The following ITGA8 variants were observed in gnomAD, a reference collection of about 807,000 sequenced individuals.
ITGA8 encodes the protein integrin alpha-8.
Under a neutral mutation model 142.3 loss-of-function variants are expected in ITGA8, and 91 were observed. That is an observed-to-expected ratio of 0.64 (90% CI 0.54 to 0.76). The LOEUF (loss-of-function observed/expected upper bound fraction) is 0.76, where lower values mean the gene tolerates loss of function less well. ITGA8 is among the 30% of genes least tolerant of loss of function. The probability of loss-of-function intolerance (pLI) is 0.00; values close to 1 mark genes in which losing one functional copy is unlikely to be tolerated. For synonymous variants in ITGA8, 505 were observed against 485.2 expected, an observed-to-expected ratio of 1.04 and a Z score of -0.54; for missense variants, 1,406 against 1,327.7, an observed-to-expected ratio of 1.06 and a Z score of -0.92.
chr10:15,558,704 A>G (rs9333212), intron 25 of ITGA8, among the ~76,000 whole-genome samples: 54,097 of 151,922 alleles, frequency 0.36, 9,904 homozygotes, highest in African/African-American at 0.42. Context: ...ACGTTCCTGC[A>G]CTCCTTTAGG....
At chr10:15,529,039 T>G (rs1221300410) in intron 28 of ITGA8, among the ~76,000 whole-genome samples, 5 of 148,600 alleles carry the variant, frequency 3.4e-5, no homozygotes, top group African/African-American at 1.3e-4. Flanking sequence ...CTCCCTTCCT[T>G]TCTCCTTCCT....
At chr10:15,541,924 A>T (rs372896338) in intron 27 of ITGA8, among the ~76,000 whole-genome samples, 2 of 152,268 alleles carry the variant, frequency 1.3e-5, no homozygotes, top group South Asian at 2.1e-4. Flanking sequence ...AAGCCAGTAC[A>T]TTCGGCCCCT....
intron 20 of ITGA8, among the ~76,000 whole-genome samples, chr10:15,600,184 A>C (rs1833079720): frequency 6.6e-6 from 1 of 152,194 alleles, no homozygotes; most frequent in Non-Finnish European, 1.5e-5. Context: ...ATATGTATAC[A>C]TGCGCCATGT....
chr10:15,514,448 G>A lies in ITGA8; in HGVS notation c.*2710C>T, dbSNP rs990041030. On this transcript the variant is annotated 3_prime_UTR_variant, in exon 30 of 30. Coordinates refer to ENST00000378076, the MANE Select transcript of ITGA8 (RefSeq NM_003638.3). ...AGAGTTTCCCTCTGTCGCCCAGGCT[G>A]GAGTGCAGTCGCGCGATCTCAGCTC... 8.6e-5 allele frequency: 13 copies of A among 152,028 alleles called. No homozygotes were observed. Among genetic ancestry groups the A allele is most frequent in the Non-Finnish European group, 1.6e-4 (11 of 68,026 alleles). The allele number at this position is 152,028 out of a possible 1,614,324, so 9.4% of individuals were successfully genotyped here.
chr10:15,565,573 A>ATTTTTTT (rs71374633), intron 25 of ITGA8, among the ~76,000 whole-genome samples: 438 of 34,798 alleles, frequency 0.013, 81 homozygotes, highest in Middle Eastern at 0.031. Context: ...TCATGTCCTG[A>ATTTTTTT]TTTTTTTTTT....
chr10:15,585,858 G>C (rs1323498261), intron 23 of ITGA8, among the ~76,000 whole-genome samples: 1 of 152,044 alleles, frequency 6.6e-6, no homozygotes, highest in Non-Finnish European at 1.5e-5. Context: ...ATCGACCCTT[G>C]CATCTGAGAG....
At chr10:15,687,674 G>C (rs867730675) in intron 3 of ITGA8, among the ~76,000 whole-genome samples, 42 of 152,242 alleles carry the variant, frequency 2.8e-4, no homozygotes, top group African/African-American at 9.9e-4. Flanking sequence ...TTAAGATGTA[G>C]CTTTTACTTT....
At chr10:15,640,239 G>A (rs556303957) in intron 13 of ITGA8, among the ~76,000 whole-genome samples, 2 of 152,166 alleles carry the variant, frequency 1.3e-5, no homozygotes, top group Non-Finnish European at 2.9e-5. Context: ...CCACGGGACC[G>A]ACCTGGGTGT....
At chr10:15,608,183 T>G (rs1319439909) in intron 16 of ITGA8, 52 bp downstream of exon 16, 50 of 1,239,144 alleles carry the variant, frequency 4.0e-5, no homozygotes, top group Non-Finnish European at 2.9e-5. Flanking sequence ...AAATGGTTAC[T>G]GTTCAACTTT....
At position 15,558,184 on chromosome 10, in the gene ITGA8, C is replaced by G; in HGVS notation, c.2656G>C (p.Asp886His). 6.2e-7 allele frequency: 1 copy of G among 1,614,170 alleles called. No homozygotes were observed. Among genetic ancestry groups the G allele is most frequent in the Non-Finnish European group, 8.5e-7 (1 of 1,180,028 alleles). The change falls in exon 26 of 30, where the codon GAC becomes CAC. Residue 886 changes from aspartate to histidine, a missense_variant. By Grantham distance (81) the Asp-to-His change is moderately conservative. Coordinates refer to ENST00000378076, the MANE Select transcript of ITGA8 (RefSeq NM_003638.3). ...AAAAAGGCGCTGAGCTCAGGGGTGT[C>G]CTCTGGGGAGGCAGCAGGCTGCAAA... Reference protein sequence around the residue: ...QDIKPAASPEDTPELSAFLRN... With the variant: ...QDIKPAASPEHTPELSAFLRN...
chr10:15,567,065 G>T (rs1020588854), intron 25 of ITGA8, among the ~76,000 whole-genome samples: 1 of 150,684 alleles, frequency 6.6e-6, no homozygotes, highest in South Asian at 2.1e-4. Flanking sequence ...TGAGGCAGGA[G>T]AATGACCTGA....
chr10:15,645,126 A>G (rs1039787641), intron 12 of ITGA8, among the ~76,000 whole-genome samples: 5 of 149,396 alleles, frequency 3.3e-5, no homozygotes, highest in African/African-American at 1.2e-4. Context: ...AAGATGATCT[A>G]AAAACTCAGA....
chr10:15,586,048 G>GTTTTTTTTT (rs1564362665), intron 23 of ITGA8, among the ~76,000 whole-genome samples: 4 of 120,526 alleles, frequency 3.3e-5, no homozygotes, highest in African/African-American at 1.3e-4. Context: ...GGAATAAAGT[G>GTTTTTTTTT]ATTTTTTTTT....
In ITGA8 at chr10:15,582,519, C is replaced by T. The variant is rs57980826; in HGVS notation, c.2372+4065G>A. On this transcript the variant is annotated intron_variant, in intron 23 of 29. Coordinates refer to ENST00000378076, the MANE Select transcript of ITGA8 (RefSeq NM_003638.3). ...ACTATAGACTGGGAGAAAATAATCG[C>T]GGGACACATATTTGGTAAATGGCTT... 4.8e-3 allele frequency among the ~76,000 whole-genome samples: 724 copies of T among 152,186 alleles called. 10 individuals are homozygous for T. The highest frequency in any genetic ancestry group is 0.017 in the African/African-American group (702 of 41,518).
Position 15,548,534 on chromosome 10 carries a change from C to T in ITGA8, c.2801G>A (p.Cys934Tyr). The part of the protein sequence containing the change: ...CTNIECLQIS[C>Y]AVGRLEGGES... ...TCCTCCTTCGAGTCGTCCCACTGCA[C>T]AGGAGATTTGTAAACACTCGATATT... Residue 934 changes from cysteine (C) to tyrosine (Y), a missense_variant, in exon 27 of 30, where the codon TGT becomes TAT. Cys to Tyr is a radical substitution (Grantham distance 194, BLOSUM62 -2). Coordinates refer to ENST00000378076, the MANE Select transcript of ITGA8 (RefSeq NM_003638.3). The T allele has an allele frequency of 6.2e-7, 1 of 1,609,252 alleles. No individual in the cohort carries two copies. Among genetic ancestry groups the T allele is most frequent in the Non-Finnish European group, 8.5e-7 (1 of 1,178,566 alleles).
At chr10:15,694,695 A>ATATATATATATATATATATATATATC (rs1485063481) in intron 2 of ITGA8, among the ~76,000 whole-genome samples, 1 of 136,660 alleles carries the variant, frequency 7.3e-6, no homozygotes, top group Non-Finnish European at 1.6e-5. Context: ...ATATATATAT[A>ATATATATATATATATATATATATATC]TATATATGTC....
At chr10:15,584,959 C>A (rs1309478082) in intron 23 of ITGA8, among the ~76,000 whole-genome samples, 1 of 152,010 alleles carries the variant, frequency 6.6e-6, no homozygotes, top group Admixed American at 6.6e-5. Flanking sequence ...GAGGCTGAGG[C>A]CCGAGAATCA....
chr10:15,611,930 AG>A (rs1331298397), intron 15 of ITGA8, among the ~76,000 whole-genome samples: 1 of 152,200 alleles, frequency 6.6e-6, no homozygotes, highest in Non-Finnish European at 1.5e-5. Context: ...ATGTGCTTAA[AG>A]GAATTCAGCC....
At chr10:15,626,809 C>T (rs972568959) in intron 13 of ITGA8, among the ~76,000 whole-genome samples, 2 of 152,066 alleles carry the variant, frequency 1.3e-5, no homozygotes, top group African/African-American at 4.8e-5. Context: ...CATCTACAAG[C>T]CAAAGAGAGA....
Sources: allele counts gnomAD v4.1 joint callset (sites outside exome capture counted in the v4.1 genomes callset), GRCh38; gene constraint gnomAD v4.1.1; transcripts MANE v1.5; gene names NCBI Gene and HGNC (gene_info 2026-07-23, HGNC 2026-07-21).